The following NFKBIL1 variants were observed in gnomAD, a reference collection of about 807,000 sequenced individuals.
The protein encoded by NFKBIL1 is NF-kappa-B inhibitor-like protein 1.
NFKBIL1 carries 30 observed loss-of-function variants against 45.4 expected under a neutral mutation model. That is an observed-to-expected ratio of 0.66 (90% CI 0.49 to 0.90). NFKBIL1 has a LOEUF of 0.90. Ranked by LOEUF, NFKBIL1 falls within the 40% of genes least tolerant of loss-of-function variation. The pLI, the probability that NFKBIL1 is intolerant of heterozygous loss-of-function variation, is 0.00. For missense variants in NFKBIL1, 434 were observed against 513.4 expected (o/e 0.85, Z 1.49); for synonymous variants, 179 against 197.3 (o/e 0.91, Z 0.78).
rs199625538 is a variant in NFKBIL1, at chr6:31,548,144, G to A, written c.58-19G>A. On this transcript the variant is annotated intron_variant, in intron 1 of 3. Transcript: ENST00000376148. The stretch of plus-strand genomic sequence containing the variant: ...AGCCAAGGCTGAAGTCCTGACTGCT[G>A]CCTTTTTTCCTTCCCCAGCCCAAGA... 15 of 1,612,998 alleles carry A rather than the reference G, an allele frequency of 9.3e-6. No individual in the cohort carries two copies. The highest frequency in any genetic ancestry group is 1.3e-5 in the Non-Finnish European group (15 of 1,180,042).
At chr6:31,547,465 G>A, upstream of NFKBIL1, 1 of 406,026 alleles carries the variant, frequency 2.5e-6, no homozygotes, top group South Asian at 8.9e-5. Flanking sequence ...TTTAATTTAA[G>A]TTCCCTAGTT....
Position 31,558,384 on chromosome 6 carries a change from G to A in NFKBIL1, c.919G>A (p.Gly307Arg). Residue 307 changes from glycine (G) to arginine (R), a missense_variant, in exon 4 of 4, where the codon GGA becomes AGA. Physicochemically the swap from Gly to Arg is moderately radical, Grantham distance 125. This residue lies in a region of NFKBIL1 where 128 missense variants were observed against 106.5 expected (regional missense o/e 1.20). Transcript: ENST00000376148. The surrounding 1 kb of genome is among the most constrained non-coding windows in gnomAD (Gnocchi z 7.2). Reference protein sequence around the residue: ...FGDVPWPCPGGGDPEAMAAAL... With the variant: ...FGDVPWPCPGRGDPEAMAAAL... ...TGATGTGCCCTGGCCCTGCCCTGGG[G>A]GAGGGGACCCAGAGGCCATGGCTGC... 6.4e-7 allele frequency: 1 copy of A among 1,550,456 alleles called. No individual in the cohort carries two copies. Among genetic ancestry groups the A allele is most frequent in the Non-Finnish European group, 8.7e-7 (1 of 1,146,194 alleles).
At position 31,558,472 on chromosome 6, in the gene NFKBIL1, TCCAGCAGGTCCGCTGGCAC is replaced by T; in HGVS notation, c.1010_1028del (p.Gln337LeufsTer20). The T allele has an allele frequency of 6.4e-7, 1 of 1,551,362 alleles. No homozygotes were observed. Among genetic ancestry groups the T allele is most frequent in the Non-Finnish European group, 8.7e-7 (1 of 1,147,358 alleles). ...GGGGCTCTGAGGAGGTACTTGAGGG[TCCAGCAGGTCCGCTGGCAC>T]CCTGACCGCTTCCTGCAGCGATTCC... is the stretch of plus-strand genomic sequence containing the variant. On this transcript the variant is annotated frameshift_variant, in exon 4 of 4. Coordinates refer to ENST00000376148, the MANE Select transcript of NFKBIL1 (RefSeq NM_005007.4). LOFTEE classifies it high-confidence loss of function. This position sits in a 1 kb window ranked among gnomAD's most constrained non-coding sequence, Gnocchi z 7.2.
At chr6:31,555,152 ATAAAAT>A (rs577400271) in intron 2 of NFKBIL1, among the ~76,000 whole-genome samples, 301 of 152,228 alleles carry the variant, frequency 2.0e-3, no homozygotes, top group African/African-American at 6.6e-3. Flanking sequence ...AAAATGTCAA[ATAAAAT>A]TGGGGGAAAA....
intron 2 of NFKBIL1, chr6:31,556,722 G>A (rs1300620946): frequency 2.2e-6 from 1 of 457,018 alleles, no homozygotes; most frequent in Non-Finnish European, 4.4e-6. Context: ...GAAAGAGCTT[G>A]CTCTGCCGCC....
At position 31,557,703 on chromosome 6, in the gene NFKBIL1, C is replaced by A. The variant is rs1180311126; in HGVS notation, c.410C>A (p.Thr137Asn). Reference protein sequence around the residue: ...AMGIKNKDGETPGQILGWGPP... With the variant: ...AMGIKNKDGENPGQILGWGPP... ...GGAATAAAGAATAAGGATGGGGAGA[C>A]CCCTGGCCAAATTTTGGGCTGGGGA... The change falls in exon 3 of 4, where the codon ACC becomes AAC. Residue 137 changes from threonine (T) to asparagine (N), a missense_variant. Around this residue, in one of 4 missense-constraint regions of NFKBIL1, gnomAD observed 231 missense variants for 264.1 expected, o/e 0.87. Coordinates refer to ENST00000376148, the MANE Select transcript of NFKBIL1 (RefSeq NM_005007.4). The surrounding 1 kb of genome is among the most constrained non-coding windows in gnomAD (Gnocchi z 5.4). 6.2e-7 allele frequency: 1 copy of A among 1,607,450 alleles called. No individual in the cohort carries two copies. The highest frequency in any genetic ancestry group is 8.5e-7 in the Non-Finnish European group (1 of 1,176,028).
intron 2 of NFKBIL1, chr6:31,556,840 TAA>T (rs1769768224): frequency 2.3e-6 from 1 of 441,252 alleles, no homozygotes; most frequent in South Asian, 1.6e-5. Context: ...AGTTTATTGA[TAA>T]GTGATAATAA....
chr6:31,558,075 C>A lies in NFKBIL1; in HGVS notation c.610C>A (p.Arg204Ser), dbSNP rs771750904. 8.2e-6 allele frequency: 13 copies of A among 1,578,662 alleles called. 1 individual carries two copies. The South Asian group carries it at 1.4e-4, about 17-fold the overall frequency. Residue 204 changes from arginine (R) to serine (S), a missense_variant, in exon 4 of 4, where the codon CGC becomes AGC. By Grantham distance (110) the Arg-to-Ser change is moderately radical (BLOSUM62 -1). This residue lies in a region of NFKBIL1 where 23 missense variants were observed against 46.9 expected (regional missense o/e 0.49). Coordinates refer to ENST00000376148, the MANE Select transcript of NFKBIL1 (RefSeq NM_005007.4). The surrounding 1 kb of genome is among the most constrained non-coding windows in gnomAD (Gnocchi z 7.2). ...EPESFSAWSD[R>S]LAREHAQKCQ... ...TGAGTCCTTCTCAGCCTGGTCAGATCGCCTGGCCCGGGAACATGCCCAGAA... is the reference window on the plus strand; with the variant it reads ...TGAGTCCTTCTCAGCCTGGTCAGATAGCCTGGCCCGGGAACATGCCCAGAA...
At chr6:31,548,074 A>C in intron 1 of NFKBIL1, 89 bp from the exon 2 acceptor site, 1 of 1,546,460 alleles carries the variant, frequency 6.5e-7, no homozygotes, top group Non-Finnish European at 8.9e-7. Context: ...GACGGAACCA[A>C]AGGGAGAAAC....
Position 31,547,621 on chromosome 6 carries a change from C to A in NFKBIL1, c.-74C>A. 1 of 1,068,732 alleles carries A rather than the reference C, an allele frequency of 9.4e-7. No individual in the cohort carries two copies. Among genetic ancestry groups the A allele is most frequent in the South Asian group, 1.4e-5 (1 of 70,266 alleles). 66.2% of individuals were successfully genotyped at this position (1,068,732 alleles called of 1,614,324 possible). A position where few individuals can be genotyped will look rare whatever the true frequency, so the allele number is the denominator to read the frequency against. On this transcript the variant is annotated 5_prime_UTR_variant, in exon 1 of 4. Coordinates refer to ENST00000376148, the MANE Select transcript of NFKBIL1 (RefSeq NM_005007.4). ...GAGTGTCTCCGCCCTTCCCGCCTCC[C>A]GTCTCCGAGCTTCTTAAACACAGGC...
chr6:31,553,654 G>A (rs780801325), intron 2 of NFKBIL1, among the ~76,000 whole-genome samples: 1 of 152,028 alleles, frequency 6.6e-6, no homozygotes, highest in African/African-American at 2.4e-5. Flanking sequence ...ATTTTTGAGA[G>A]TTTTTTAATT....
chr6:31,548,082 A>T, intron 1 of NFKBIL1, 81 bp from the exon 2 acceptor site: 1 of 1,574,390 alleles, frequency 6.4e-7, no homozygotes, highest in Non-Finnish European at 8.7e-7. Context: ...CAAAGGGAGA[A>T]ACAACAGGGG....
At chr6:31,555,518 C>T (rs1000828182) in intron 2 of NFKBIL1, among the ~76,000 whole-genome samples, 30 of 150,998 alleles carry the variant, frequency 2.0e-4, no homozygotes, top group Middle Eastern at 6.8e-3. Flanking sequence ...GATTACAGGC[C>T]ATGAGCCACC....
At position 31,558,598 on chromosome 6, in the gene NFKBIL1, A is replaced by G. The variant is rs1246260418; in HGVS notation, c.1133A>G (p.Glu378Gly). 1.9e-6 allele frequency: 3 copies of G among 1,551,526 alleles called. No individual in the cohort carries two copies. The highest frequency in any genetic ancestry group is 2.6e-6 in the Non-Finnish European group (3 of 1,146,424). Residue 378 changes from glutamate (E) to glycine (G), a missense_variant, in exon 4 of 4, where the codon GAG becomes GGG. By Grantham distance (98) the Glu-to-Gly change is moderately conservative. Around this residue, in one of 4 missense-constraint regions of NFKBIL1, gnomAD observed 52 missense variants for 95.9 expected, o/e 0.54. Transcript: ENST00000376148. The surrounding 1 kb of genome is among the most constrained non-coding windows in gnomAD (Gnocchi z 7.2). ...ALSQALNRHA[E>G]ALK Reference sequence around the variant, plus strand: ...TCTCAGGCCCTGAATCGCCATGCAGAGGCCCTCAAGTGACCCTAGGGAAGA... The same window carrying G: ...TCTCAGGCCCTGAATCGCCATGCAGGGGCCCTCAAGTGACCCTAGGGAAGA...
chr6:31,549,579 C>T lies in NFKBIL1; in HGVS notation c.334+1140C>T, dbSNP rs866151354. On this transcript the variant is annotated intron_variant, in intron 2 of 3. Transcript: ENST00000376148. ...GTTCCTGTTTTTGTTATCAACAGGT[C>T]CATACTCCCTTAACCACAATTCTAA... is the stretch of plus-strand genomic sequence containing the variant. Among the ~76,000 whole-genome samples the T allele has an allele frequency of 2.0e-4, 30 of 151,046 alleles. No homozygotes were observed. The Admixed American group carries it at 2.0e-3, about 10-fold the overall frequency.
At position 31,557,602 on chromosome 6, in the gene NFKBIL1, TCTG is replaced by T; in HGVS notation, c.335-23_335-21del. The T allele has an allele frequency of 6.8e-7, 1 of 1,479,880 alleles. No homozygotes were observed. Among genetic ancestry groups the T allele is most frequent in the Non-Finnish European group, 9.0e-7 (1 of 1,111,008 alleles). 91.7% of individuals were successfully genotyped at this position (1,479,880 alleles called of 1,614,324 possible). A position where few individuals can be genotyped will look rare whatever the true frequency, so the allele number is the denominator to read the frequency against. ...CGAGGAGTGGGAGTCCCAGCTAACT[TCTG>T]CTCCCTGCTCTCCCACCAACAGCCT... On this transcript the variant is annotated intron_variant, in intron 2 of 3. Coordinates refer to ENST00000376148, the MANE Select transcript of NFKBIL1 (RefSeq NM_005007.4). The surrounding 1 kb of genome is among the most constrained non-coding windows in gnomAD (Gnocchi z 5.4).
chr6:31,547,917 AT>A (rs1318450385), intron 1 of NFKBIL1, among the ~76,000 whole-genome samples, 166 bp downstream of exon 1: 2 of 151,926 alleles, frequency 1.3e-5, no homozygotes, highest in African/African-American at 4.8e-5. Flanking sequence ...TAAACCAATT[AT>A]TTACCCTTTT....
At chr6:31,555,219 C>T (rs1769649519) in intron 2 of NFKBIL1, among the ~76,000 whole-genome samples, 1 of 151,286 alleles carries the variant, frequency 6.6e-6, no homozygotes, top group African/African-American at 2.4e-5. Context: ...ATATTTTTTG[C>T]CAGTCTATTT....
rs1473526455 is a variant in NFKBIL1 at position 31,557,553 on chromosome 6, C to T, written c.335-75C>T. 33 of 1,230,306 alleles carry T rather than the reference C, an allele frequency of 2.7e-5. No homozygotes were observed. In the East Asian group the frequency reaches 7.2e-4, roughly 27 times the overall value. 76.2% of individuals were successfully genotyped at this position (1,230,306 alleles called of 1,614,324 possible). A position where few individuals can be genotyped will look rare whatever the true frequency, so the allele number is the denominator to read the frequency against. On this transcript the variant is annotated intron_variant, in intron 2 of 3. Coordinates refer to ENST00000376148, the MANE Select transcript of NFKBIL1 (RefSeq NM_005007.4). The surrounding 1 kb of genome is among the most constrained non-coding windows in gnomAD (Gnocchi z 5.4). Reference sequence around the variant, plus strand: ...TAAGACCAAGGGAGCGAGTGACCAGCAGGATTCAAGATGGCAGCTCTGCCG... The same window carrying T: ...TAAGACCAAGGGAGCGAGTGACCAGTAGGATTCAAGATGGCAGCTCTGCCG...
Sources: allele counts gnomAD v4.1 joint callset (sites outside exome capture counted in the v4.1 genomes callset), GRCh38; gene constraint gnomAD v4.1.1; regional missense constraint gnomAD v4.1.1; non-coding constraint Gnocchi (gnomAD v3.1); transcripts MANE v1.5; gene names NCBI Gene and HGNC (gene_info 2026-07-23, HGNC 2026-07-21).